PLEKHM1: variants seen among roughly 807,000 people sequenced by gnomAD.
The protein encoded by PLEKHM1 is pleckstrin homology domain-containing family M member 1.
PLEKHM1 carries 28 observed loss-of-function variants against 94.3 expected under a neutral mutation model. The ratio of observed to expected loss-of-function variants is 0.30; its 90% confidence interval spans 0.22 to 0.41. The LOEUF is 0.41. PLEKHM1 is among the 10% of genes least tolerant of loss of function. PLEKHM1 has a pLI of 1.00. For missense variants in PLEKHM1, 907 were observed against 1,358.6 expected, an observed-to-expected ratio of 0.67 and a Z score of 5.22; for synonymous variants, 424 against 581.2, an observed-to-expected ratio of 0.73 and a Z score of 3.89.
chr17:45,468,163 G>C lies in PLEKHM1; in HGVS notation c.1308+46C>G, dbSNP rs780521570. 9 of 1,611,818 alleles carry C rather than the reference G, an allele frequency of 5.6e-6. No individual in the cohort carries two copies. In the South Asian group the frequency reaches 8.8e-5, roughly 16 times the overall value. On this transcript the variant is annotated intron_variant, in intron 5 of 11. Coordinates refer to ENST00000430334, the MANE Select transcript of PLEKHM1 (RefSeq NM_014798.3). ...CACTAGCTGGGGAAACCCTGTGTCA[G>C]CTGACATTTCCCAAGACTGCCCCCT... is the stretch of plus-strand genomic sequence containing the variant.
chr17:45,464,224 T>C (rs1033363824), intron 5 of PLEKHM1, among the ~76,000 whole-genome samples: 1 of 152,200 alleles, frequency 6.6e-6, no homozygotes, highest in Non-Finnish European at 1.5e-5. Context: ...ATGATGTGGA[T>C]AATCATTTGT....
At position 45,439,639 on chromosome 17, in the gene PLEKHM1, G is replaced by A. The variant is rs779979991; in HGVS notation, c.2902-5C>T. 2.5e-5 allele frequency: 40 copies of A among 1,613,858 alleles called. No homozygotes were observed. Among genetic ancestry groups the A allele is most frequent in the South Asian group, 7.7e-5 (7 of 91,062 alleles). ...TTCATACACCCCGTCTGCGATCTGC[G>A]GAGGGCAAGTAGGAATCCTTCATAC... On this transcript the variant is annotated splice_polypyrimidine_tract_variant and splice_region_variant and intron_variant, in intron 10 of 11. Coordinates refer to ENST00000430334, the MANE Select transcript of PLEKHM1 (RefSeq NM_014798.3).
chr17:45,486,173 C>T lies in PLEKHM1; in HGVS notation c.-41-3648G>A, dbSNP rs1371727437. ...CGGAGCTTGCAGTGAGCCGAGATCC[C>T]GCCACTGCACTCCAGCCTAGGCGAC... On this transcript the variant is annotated intron_variant, in intron 1 of 11. Transcript: ENST00000430334. Among the ~76,000 whole-genome samples the T allele has an allele frequency of 1.0e-4, 14 of 137,512 alleles. No individual in the cohort carries two copies. In the South Asian group the frequency reaches 2.5e-3, roughly 25 times the overall value. The allele number at this position is 137,512 out of a possible 152,430, so 90.2% of individuals were successfully genotyped here. A position where few individuals can be genotyped will look rare whatever the true frequency, so the allele number is the denominator to read the frequency against.
rs887806202 is a variant in PLEKHM1, at chr17:45,437,230, C to T, written c.*628G>A. 4.4e-6 allele frequency: 2 copies of T among 453,804 alleles called. No homozygotes were observed. Among genetic ancestry groups the T allele is most frequent in the African/African-American group, 2.0e-5 (1 of 50,016 alleles). The allele number at this position is 453,804 out of a possible 1,614,324, so 28.1% of individuals were successfully genotyped here. On this transcript the variant is annotated 3_prime_UTR_variant, in exon 12 of 12. Coordinates refer to ENST00000430334, the MANE Select transcript of PLEKHM1 (RefSeq NM_014798.3). This position sits in a 1 kb window ranked among gnomAD's most constrained non-coding sequence, Gnocchi z 4.0. ...GAGGAACCGGGGTCGCCAGGACTGGCCCTGCCCTGCTGAGGGGCGGTTTGG... is the reference window on the plus strand; with the variant it reads ...GAGGAACCGGGGTCGCCAGGACTGGTCCTGCCCTGCTGAGGGGCGGTTTGG...
chr17:45,490,529 C>T, intron 1 of PLEKHM1, 123 bp downstream of exon 1: 1 of 371,620 alleles, frequency 2.7e-6, no homozygotes, highest in Non-Finnish European at 5.5e-6. Flanking sequence ...GCCCTGAAGC[C>T]GGGCAGTCTC....
At chr17:45,464,390 T>C (rs933386700) in intron 5 of PLEKHM1, among the ~76,000 whole-genome samples, 6 of 152,192 alleles carry the variant, frequency 3.9e-5, no homozygotes, top group African/African-American at 1.4e-4. Context: ...GTCTCTACAC[T>C]ATAAAACTTG....
At position 45,451,750 on chromosome 17, in the gene PLEKHM1, C is replaced by A. The variant is rs550320995; in HGVS notation, c.2498-987G>T. On this transcript the variant is annotated intron_variant, in intron 7 of 11. Transcript: ENST00000430334. Reference sequence around the variant, plus strand: ...AAACTCCCCGGTGGCACAGTCCCACCCGCTGGTGGGTGGCAGCCATGGTGA... The same window carrying A: ...AAACTCCCCGGTGGCACAGTCCCACACGCTGGTGGGTGGCAGCCATGGTGA... 5.3e-4 allele frequency among the ~76,000 whole-genome samples: 80 copies of A among 152,148 alleles called. 1 individual carries two copies. Among genetic ancestry groups the A allele is most frequent in the African/African-American group, 1.9e-3 (78 of 41,484 alleles).
chr17:45,461,177 G>A (rs2051140431), intron 5 of PLEKHM1, among the ~76,000 whole-genome samples: 1 of 152,170 alleles, frequency 6.6e-6, no homozygotes, highest in Non-Finnish European at 1.5e-5. Context: ...ATGAGCGACC[G>A]CGCCCAGCCA....
chr17:45,445,411 G>C lies in PLEKHM1; in HGVS notation c.2837+59C>G. 3.9e-6 allele frequency: 4 copies of C among 1,012,880 alleles called. No homozygotes were observed. The South Asian group carries it at 4.0e-5, about 10-fold the overall frequency. The allele number at this position is 1,012,880 out of a possible 1,614,324, so 62.7% of individuals were successfully genotyped here. A position where few individuals can be genotyped will look rare whatever the true frequency, so the allele number is the denominator to read the frequency against. On this transcript the variant is annotated intron_variant, in intron 9 of 11. Transcript: ENST00000430334. The surrounding 1 kb of genome is among the most constrained non-coding windows in gnomAD (Gnocchi z 4.2). ...TACATGTGCATATAAGTATGTGTTT[G>C]TGTGCATGCATGTGCGTGTGTACGT...
At chr17:45,483,350 T>C (rs2052014429) in intron 1 of PLEKHM1, among the ~76,000 whole-genome samples, 1 of 151,258 alleles carries the variant, frequency 6.6e-6, no homozygotes. Context: ...TAAATGAGTA[T>C]GCAGGAAGAG....
At chr17:45,450,413 C>T (rs561107392) in intron 8 of PLEKHM1, among the ~76,000 whole-genome samples, 115 of 152,328 alleles carry the variant, frequency 7.5e-4, no homozygotes, top group Middle Eastern at 3.4e-3. Context: ...CCAAGACAGC[C>T]ACCGATAGAG....
intron 5 of PLEKHM1, among the ~76,000 whole-genome samples, chr17:45,466,559 A>G (rs1431131013): frequency 1.3e-5 from 2 of 152,242 alleles, no homozygotes; most frequent in Non-Finnish European, 2.9e-5. Flanking sequence ...AAATCAACAC[A>G]TACACATACA....
chr17:45,480,793 T>C (rs535899429), intron 2 of PLEKHM1, among the ~76,000 whole-genome samples: 12 of 152,362 alleles, frequency 7.9e-5, no homozygotes, highest in African/African-American at 2.9e-4. Flanking sequence ...GCTGCCTAGA[T>C]ATACCACATT....
At chr17:45,489,218 C>A (rs959998281) in intron 1 of PLEKHM1, among the ~76,000 whole-genome samples, 5 of 152,184 alleles carry the variant, frequency 3.3e-5, no homozygotes, top group African/African-American at 1.2e-4. Flanking sequence ...AGGCCTCAGC[C>A]TCCCCAGGAC....
intron 11 of PLEKHM1, among the ~76,000 whole-genome samples, 182 bp downstream of exon 11, chr17:45,439,295 G>C (rs148475395): frequency 6.6e-6 from 1 of 152,338 alleles, no homozygotes; most frequent in African/African-American, 2.4e-5. Flanking sequence ...GACTGGAGCT[G>C]GCCATGACTG....
At chr17:45,447,571 G>C (rs2050644410) in intron 8 of PLEKHM1, among the ~76,000 whole-genome samples, 2 of 152,212 alleles carry the variant, frequency 1.3e-5, no homozygotes, top group Admixed American at 6.5e-5. Flanking sequence ...CCACTCCTGG[G>C]CTGACATCCT....
chr17:45,472,377 C>T (rs551872304), intron 4 of PLEKHM1, among the ~76,000 whole-genome samples: 224 of 152,210 alleles, frequency 1.5e-3, no homozygotes, highest in African/African-American at 5.1e-3. Flanking sequence ...CCATAATAGC[C>T]GGGACAACAC....
chr17:45,465,077 G>A (rs1257468771), intron 5 of PLEKHM1, among the ~76,000 whole-genome samples: 1 of 151,836 alleles, frequency 6.6e-6, no homozygotes, highest in Admixed American at 6.6e-5. Context: ...ATAAACTTAG[G>A]AATTGGCATC....
At chr17:45,459,147 T>A (rs2051075478) in intron 5 of PLEKHM1, among the ~76,000 whole-genome samples, 1 of 151,882 alleles carries the variant, frequency 6.6e-6, no homozygotes, top group South Asian at 2.1e-4. Context: ...TCTAAAAAAA[T>A]AAATAAATAA....
Sources: allele counts gnomAD v4.1 joint callset (sites outside exome capture counted in the v4.1 genomes callset), GRCh38; gene constraint gnomAD v4.1.1; non-coding constraint Gnocchi (gnomAD v3.1); transcripts MANE v1.5; gene names NCBI Gene and HGNC (gene_info 2026-07-23, HGNC 2026-07-21).